Variants in FBXL7 observed in about 807,000 individuals in gnomAD.
FBXL7 encodes the protein F-box/LRR-repeat protein 7.
A neutral mutation model predicts 38.3 loss-of-function variants in FBXL7; 12 were observed. The ratio of observed to expected loss-of-function variants is 0.31; its 90% CI spans 0.20 to 0.51. The LOEUF (loss-of-function observed/expected upper bound fraction) is 0.51. Among genes scored for constraint, FBXL7 ranks in the 20% least tolerant of loss-of-function variants. The pLI, the probability that FBXL7 is intolerant of heterozygous loss-of-function variation, is 0.98. For missense variants in FBXL7, 567 were observed against 676.4 expected, an observed-to-expected ratio of 0.84 and a Z score of 1.79; for synonymous variants, 297 against 300.9, an observed-to-expected ratio of 0.99 and a Z score of 0.13.
intron 2 of FBXL7, among the ~76,000 whole-genome samples, chr5:15,736,784 GC>G (rs1359691730): frequency 6.6e-6 from 1 of 152,146 alleles, no homozygotes. Flanking sequence ...GCAGGAGGAG[GC>G]CACTTGATAC....
At chr5:15,888,778 C>T (rs138527119) in intron 2 of FBXL7, among the ~76,000 whole-genome samples, 136 of 152,118 alleles carry the variant, frequency 8.9e-4, no homozygotes, top group African/African-American at 2.9e-3. Flanking sequence ...CTTTTGCCTT[C>T]GATCAAGAGT....
intron 2 of FBXL7, among the ~76,000 whole-genome samples, chr5:15,812,054 A>C (rs950847154): frequency 6.6e-6 from 1 of 152,188 alleles, no homozygotes; most frequent in Non-Finnish European, 1.5e-5. Context: ...TTATTGCAGC[A>C]CTATTTACAA....
At chr5:15,812,171 G>T (rs183459235) in intron 2 of FBXL7, among the ~76,000 whole-genome samples, 1 of 152,254 alleles carries the variant, frequency 6.6e-6, no homozygotes, top group Admixed American at 6.5e-5. Context: ...AAAGGAATAA[G>T]TTCAGGTCCT....
At position 15,924,182 on chromosome 5, in the gene FBXL7, A is replaced by G. The variant is rs962988754; in HGVS notation, c.128-3708A>G. ...TTAAGATTTTCCTTAAAGATTTGCT[A>G]TTCATTCTAGATGATTACCAAAGGG... On this transcript the variant is annotated intron_variant, in intron 2 of 3. Transcript: ENST00000504595. 5.3e-5 allele frequency among the ~76,000 whole-genome samples: 8 copies of G among 152,344 alleles called. 1 individual carries two copies. The East Asian group carries it at 1.5e-3, about 29-fold the overall frequency.
chr5:15,635,959 A>T (rs4509017), intron 2 of FBXL7, among the ~76,000 whole-genome samples: 23,877 of 151,218 alleles, frequency 0.16, 2,007 homozygotes, highest in Non-Finnish European at 0.18. Flanking sequence ...GCAATAATCA[A>T]TGTGAGGTCA....
intron 2 of FBXL7, among the ~76,000 whole-genome samples, chr5:15,637,107 T>G (rs1283598425): frequency 6.6e-6 from 1 of 152,188 alleles, no homozygotes; most frequent in Non-Finnish European, 1.5e-5. Context: ...AATTCAGACA[T>G]TCTTTGCTCA....
At chr5:15,798,442 C>G (rs1290449683) in intron 2 of FBXL7, among the ~76,000 whole-genome samples, 2 of 152,198 alleles carry the variant, frequency 1.3e-5, no homozygotes, top group East Asian at 3.8e-4. Flanking sequence ...TTCTGAATTT[C>G]CTTCAGCACT....
At chr5:15,791,556 T>G (rs1737277967) in intron 2 of FBXL7, among the ~76,000 whole-genome samples, 1 of 152,098 alleles carries the variant, frequency 6.6e-6, no homozygotes, top group South Asian at 2.1e-4. Context: ...ACCAGGGACT[T>G]TTACAAAGTT....
chr5:15,610,506 G>A (rs75024972), intron 1 of FBXL7, among the ~76,000 whole-genome samples: 12,815 of 152,220 alleles, frequency 0.084, 619 homozygotes, highest in South Asian at 0.13. Flanking sequence ...CAAGAATGTC[G>A]TCATGCTGCA....
In FBXL7 at chr5:15,850,876, A is replaced by T. The variant is rs189079189; in HGVS notation, c.128-77014A>T. On this transcript the variant is annotated intron_variant, in intron 2 of 3. Transcript: ENST00000504595. ...CCTTTTTCAAACATCCTGTAGAGGT[A>T]AAAGTCAACACTGGATTTTCCTTTG... 3.5e-4 allele frequency among the ~76,000 whole-genome samples: 54 copies of T among 152,330 alleles called. 1 individual carries two copies. Among genetic ancestry groups the T allele is most frequent in the African/African-American group, 1.2e-3 (50 of 41,580 alleles).
At chr5:15,766,469 C>T (rs981992165) in intron 2 of FBXL7, among the ~76,000 whole-genome samples, 5 of 152,196 alleles carry the variant, frequency 3.3e-5, no homozygotes, top group African/African-American at 1.2e-4. Context: ...ACAGAACTGG[C>T]TTACAGCCAC....
chr5:15,937,259 T>TA lies in FBXL7; in HGVS notation c.*75dup. 6.9e-7 allele frequency: 1 copy of TA among 1,439,448 alleles called. No homozygotes were observed. The highest frequency in any genetic ancestry group is 9.1e-7 in the Non-Finnish European group (1 of 1,094,312). The allele number at this position is 1,439,448 out of a possible 1,614,324, so 89.2% of individuals were successfully genotyped here. A position where few individuals can be genotyped will look rare whatever the true frequency, so the allele number is the denominator to read the frequency against. The stretch of plus-strand genomic sequence containing the variant: ...CAAATTTTTTTAAAAGCAGCGTATG[T>TA]AAGCACCGACACCCACTCAAAACAG... On this transcript the variant is annotated 3_prime_UTR_variant, in exon 4 of 4. Coordinates refer to ENST00000504595, the MANE Select transcript of FBXL7 (RefSeq NM_012304.5).
chr5:15,513,329 A>C (rs1372745428), intron 1 of FBXL7, among the ~76,000 whole-genome samples: 4 of 152,212 alleles, frequency 2.6e-5, no homozygotes, highest in Non-Finnish European at 5.9e-5. Flanking sequence ...TACAATTAAA[A>C]TGAAAGTGTT....
intron 2 of FBXL7, among the ~76,000 whole-genome samples, chr5:15,845,367 C>T (rs796198393): frequency 2.0e-5 from 3 of 152,164 alleles, no homozygotes; most frequent in African/African-American, 7.2e-5. Flanking sequence ...AATAGATGTT[C>T]TGATAGGATT....
intron 2 of FBXL7, among the ~76,000 whole-genome samples, chr5:15,637,297 A>T (rs1172910074): frequency 3.9e-5 from 6 of 152,246 alleles, no homozygotes; most frequent in Admixed American, 6.5e-5. Flanking sequence ...GGGGAATGGC[A>T]GGCACAGAGT....
intron 2 of FBXL7, among the ~76,000 whole-genome samples, chr5:15,886,210 G>GGTGTGTGTGT (rs140069204): frequency 1.1e-4 from 17 of 150,080 alleles, no homozygotes; most frequent in African/African-American, 3.9e-4. Flanking sequence ...ATAATTTTGA[G>GGTGTGTGTGT]GTGTGTGTGT....
chr5:15,817,687 C>T (rs1180245036), intron 2 of FBXL7, among the ~76,000 whole-genome samples: 1 of 152,144 alleles, frequency 6.6e-6, no homozygotes, highest in African/African-American at 2.4e-5. Flanking sequence ...GGCAGTTCCC[C>T]TGCACAAGCC....
At chr5:15,568,982 T>G (rs1454799603) in intron 1 of FBXL7, among the ~76,000 whole-genome samples, 2 of 152,150 alleles carry the variant, frequency 1.3e-5, no homozygotes, top group Non-Finnish European at 2.9e-5. Flanking sequence ...CTGCTGTTTT[T>G]GTTACTATAG....
At chr5:15,608,389 G>T (rs1740104318) in intron 1 of FBXL7, among the ~76,000 whole-genome samples, 1 of 152,160 alleles carries the variant, frequency 6.6e-6, no homozygotes, top group Non-Finnish European at 1.5e-5. Flanking sequence ...AGAGTGCTTG[G>T]AAAGTTTGAG....
Sources: gnomAD v4.1 joint callset for allele counts (sites outside exome capture counted in the v4.1 genomes callset) on GRCh38, gnomAD v4.1.1 for gene constraint, MANE v1.5 for transcripts, NCBI Gene and HGNC (gene_info 2026-07-23, HGNC 2026-07-21) for gene names.